Variants in MAP2 observed in about 807,000 individuals in gnomAD.
MAP2 encodes microtubule-associated protein 2.
A neutral mutation model predicts 137.6 loss-of-function variants in MAP2; 14 were observed. The observed-to-expected ratio is 0.10, with a 90% confidence interval of 0.07 to 0.16. The LOEUF (loss-of-function observed/expected upper bound fraction) is 0.16. Among genes scored for constraint, MAP2 ranks in the 10% least tolerant of loss-of-function variants. MAP2 has a pLI of 1.00. For missense variants in MAP2, 2,088 were observed against 2,191.5 expected, an observed-to-expected ratio of 0.95 and a Z score of 0.94; for synonymous variants, 786 against 782.3, an observed-to-expected ratio of 1.00 and a Z score of -0.08.
At chr2:209,690,721 G>A (rs750273969) in intron 7 of MAP2, 1 of 1,289,690 alleles carries the variant, frequency 7.8e-7, no homozygotes, top group East Asian at 5.5e-5. Context: ...AGGGCCAAAT[G>A]GAGTCTAGTG....
At chr2:209,689,033 A>G (rs1207396836) in intron 7 of MAP2, among the ~76,000 whole-genome samples, 1 of 152,184 alleles carries the variant, frequency 6.6e-6, no homozygotes, top group East Asian at 1.9e-4. Flanking sequence ...AATAAATATG[A>G]TTTATACTAA....
intron 1 of MAP2, among the ~76,000 whole-genome samples, chr2:209,452,505 G>GAGGC (rs1342567460): frequency 6.6e-6 from 1 of 152,076 alleles, no homozygotes; most frequent in Non-Finnish European, 1.5e-5. Flanking sequence ...ATGGTATCCT[G>GAGGC]AGGCATATCA....
chr2:209,533,233 C>G (rs1418484539), intron 2 of MAP2, among the ~76,000 whole-genome samples: 1 of 152,152 alleles, frequency 6.6e-6, no homozygotes, highest in Non-Finnish European at 1.5e-5. Context: ...CAACCTCCGC[C>G]TCCCAGGTTC....
intron 2 of MAP2, among the ~76,000 whole-genome samples, chr2:209,519,860 C>T (rs2150374411): frequency 6.6e-6 from 1 of 152,074 alleles, no homozygotes; most frequent in Admixed American, 6.6e-5. Flanking sequence ...ATCACTACTC[C>T]TTCACACTCA....
In MAP2 at chr2:209,693,167, A is replaced by G. The variant is rs1277323303; in HGVS notation, c.997A>G (p.Ile333Val). The change falls in exon 8 of 16, where the codon ATA becomes GTA. Residue 333 changes from isoleucine (I) to valine (V), a missense_variant. Coordinates refer to ENST00000682079, the MANE Select transcript of MAP2 (RefSeq NM_001375505.1). ...TLPLDVMKNEIVTETSPFAPA... is the reference protein window; with the variant it reads ...TLPLDVMKNEVVTETSPFAPA... ...TCCTTTAGATGTCATGAAGAATGAA[A>G]TAGTTACAGAAACATCGCCCTTTGC... 3 of 1,610,416 alleles carry G rather than the reference A, an allele frequency of 1.9e-6. No homozygotes were observed. Among genetic ancestry groups the G allele is most frequent in the Admixed American group, 1.7e-5 (1 of 59,198 alleles).
At position 209,694,408 on chromosome 2, in the gene MAP2, T is replaced by G. The variant is rs1289902761; in HGVS notation, c.2238T>G (p.Leu746=). The G allele has an allele frequency of 6.2e-7, 1 of 1,613,910 alleles. No individual in the cohort carries two copies. Among genetic ancestry groups the G allele is most frequent in the Non-Finnish European group, 8.5e-7 (1 of 1,180,004 alleles). ...GTATGGATGAAGGGGATGATTACCT[T>G]CCAGCCACCACACCTGCACTGGAGA... ...SGSMDEGDDY[L]PATTPALEKA... is the part of the protein sequence containing the mutation. The change falls in exon 8 of 16, where the codon CTT becomes CTG. Residue 746 remains leucine (L), a synonymous_variant. Transcript: ENST00000682079.
chr2:209,605,287 C>A (rs566799966), intron 3 of MAP2, among the ~76,000 whole-genome samples: 8 of 152,094 alleles, frequency 5.3e-5, no homozygotes, highest in South Asian at 4.1e-4. Flanking sequence ...AGATTTTTGG[C>A]AGAAAATATG....
At position 209,694,896 on chromosome 2, in the gene MAP2, C is replaced by T; in HGVS notation, c.2726C>T (p.Ala909Val). 1 of 1,614,110 alleles carries T rather than the reference C, an allele frequency of 6.2e-7. No individual in the cohort carries two copies. Among genetic ancestry groups the T allele is most frequent in the South Asian group, 1.1e-5 (1 of 91,072 alleles). ...GATGATAAAGTTCGAAGAGATTTGG[C>T]CACAGACCTTTCACTGATTGAAGTG... ...GTDDKVRRDLATDLSLIEVKL... is the reference protein window; with the variant it reads ...GTDDKVRRDLVTDLSLIEVKL... The change falls in exon 8 of 16, where the codon GCC becomes GTC. Residue 909 changes from alanine (A) to valine (V), a missense_variant. By Grantham distance (64) the Ala-to-Val change is moderately conservative. Transcript: ENST00000682079.
chr2:209,519,381 A>G (rs1043993699), intron 2 of MAP2, among the ~76,000 whole-genome samples: 7 of 152,156 alleles, frequency 4.6e-5, no homozygotes, highest in African/African-American at 1.7e-4. Context: ...CTCTGAGGAG[A>G]AACAAATTTC....
intron 2 of MAP2, among the ~76,000 whole-genome samples, chr2:209,535,539 T>C (rs940934055): frequency 1.3e-5 from 2 of 151,468 alleles, no homozygotes. Flanking sequence ...AAGCCTTCCC[T>C]TGCAGTCTGG....
At chr2:209,649,561 T>C (rs1313032492) in intron 4 of MAP2, among the ~76,000 whole-genome samples, 1 of 152,156 alleles carries the variant, frequency 6.6e-6, no homozygotes, top group Non-Finnish European at 1.5e-5. Context: ...GGCCAAATAG[T>C]GTCTCCTTTT....
rs776266690 is a variant in MAP2 at position 209,631,005 on chromosome 2, CAAAAAAAAAAAAA to C, written c.-30+5894_-30+5906del. ...TTTCAAGATTGAAGGGAGCTACAAG[CAAAAAAAAAAAAA>C]AAAAAAAAAAAAAAAAAGAGAGAGA... is the stretch of plus-strand genomic sequence containing the variant. On this transcript the variant is annotated intron_variant, in intron 4 of 15. Transcript: ENST00000682079. Among the ~76,000 whole-genome samples, 106 of 42,140 alleles carry C rather than the reference CAAAAAAAAAAAAA, an allele frequency of 2.5e-3. 3 individuals carry two copies. The South Asian group carries it at 0.025, about 10-fold the overall frequency. 27.6% of individuals were successfully genotyped at this position (42,140 alleles called of 152,430 possible).
chr2:209,593,125 T>G (rs1446420488), intron 3 of MAP2, among the ~76,000 whole-genome samples: 1 of 152,070 alleles, frequency 6.6e-6, no homozygotes. Context: ...ATTTTCTGAT[T>G]GATACTTTTC....
intron 3 of MAP2, among the ~76,000 whole-genome samples, chr2:209,598,215 C>A (rs191992478): frequency 2.0e-5 from 3 of 151,870 alleles, no homozygotes; most frequent in Admixed American, 1.3e-4. Context: ...CCATATTGGC[C>A]AGGCTGGTCG....
At chr2:209,725,133 G>A (rs1350718022) in intron 13 of MAP2, among the ~76,000 whole-genome samples, 1 of 152,184 alleles carries the variant, frequency 6.6e-6, no homozygotes, top group Non-Finnish European at 1.5e-5. Context: ...AATATTGGGA[G>A]AGGAAATATT....
chr2:209,650,491 T>C lies in MAP2; in HGVS notation c.-29-2651T>C, dbSNP rs1212314031. Among the ~76,000 whole-genome samples the C allele has an allele frequency of 3.9e-5, 6 of 152,094 alleles. No homozygotes were observed. In the East Asian group the frequency reaches 1.2e-3, roughly 29 times the overall value. ...ATTACAAAAAACAGACAGATCTCAATAGAGGGGTATATGATTTATCTGATT... is the reference window on the plus strand; with the variant it reads ...ATTACAAAAAACAGACAGATCTCAACAGAGGGGTATATGATTTATCTGATT... On this transcript the variant is annotated intron_variant, in intron 4 of 15. Transcript: ENST00000682079.
At position 209,653,154 on chromosome 2, in the gene MAP2, T is replaced by C. The variant is rs1226844385; in HGVS notation, c.-17T>C. 3.8e-6 allele frequency: 6 copies of C among 1,565,446 alleles called. No homozygotes were observed. Among genetic ancestry groups the C allele is most frequent in the Admixed American group, 2.0e-5 (1 of 51,080 alleles). The stretch of plus-strand genomic sequence containing the variant: ...TTTTCTCTTTCAGTTGCAGGAGAAA[T>C]AACAAGGCATTGAAGAATGGCAGAT... On this transcript the variant is annotated 5_prime_UTR_variant, in exon 5 of 16. Coordinates refer to ENST00000682079, the MANE Select transcript of MAP2 (RefSeq NM_001375505.1).
intron 1 of MAP2, among the ~76,000 whole-genome samples, chr2:209,483,345 G>A (rs2057961782): frequency 6.6e-6 from 1 of 152,048 alleles, no homozygotes; most frequent in South Asian, 2.1e-4. Flanking sequence ...AGATTCAATG[G>A]TACAATTACC....
intron 2 of MAP2, among the ~76,000 whole-genome samples, chr2:209,571,987 T>C (rs1358585626): frequency 6.6e-6 from 1 of 151,816 alleles, no homozygotes; most frequent in African/African-American, 2.4e-5. Flanking sequence ...GTGCAAAATT[T>C]GTCAGTGAAA....
Sources: gnomAD v4.1 joint callset for allele counts (sites outside exome capture counted in the v4.1 genomes callset) on GRCh38, gnomAD v4.1.1 for gene constraint, MANE v1.5 for transcripts, NCBI Gene and HGNC (gene_info 2026-07-23, HGNC 2026-07-21) for gene names.